The following PRIM2 variants were observed in gnomAD, a reference collection of about 807,000 sequenced individuals.
PRIM2 encodes the protein DNA primase subunit 2.
A neutral mutation model predicts 67.3 loss-of-function variants in PRIM2; 39 were observed. The ratio of observed to expected loss-of-function variants is 0.58; its 90% CI spans 0.45 to 0.76. PRIM2 has a LOEUF of 0.76. Ranked by LOEUF, PRIM2 falls within the 30% of genes least tolerant of loss-of-function variation. The pLI, the probability that PRIM2 is intolerant of heterozygous loss-of-function variation, is 0.00. For missense variants in PRIM2, 398 were observed against 598.7 expected, an observed-to-expected ratio of 0.66 and a Z score of 3.50; for synonymous variants, 143 against 198.7, an observed-to-expected ratio of 0.72 and a Z score of 2.36.
chr6:57,397,884 G>C (rs1770571541), intron 7 of PRIM2, among the ~76,000 whole-genome samples: 1 of 144,192 alleles, frequency 6.9e-6, no homozygotes, highest in Non-Finnish European at 1.5e-5. Context: ...TTGCTAATTT[G>C]AGATCTTTCT....
intron 12 of PRIM2, among the ~76,000 whole-genome samples, chr6:57,621,788 T>C (rs1314366445): frequency 6.6e-6 from 1 of 152,214 alleles, no homozygotes; most frequent in Admixed American, 6.5e-5. Flanking sequence ...TTCATTCTTT[T>C]TGAATGGCTC....
At chr6:57,599,836 A>AT (rs1776428594) in intron 10 of PRIM2, among the ~76,000 whole-genome samples, 1 of 152,042 alleles carries the variant, frequency 6.6e-6, no homozygotes, top group South Asian at 2.1e-4. Context: ...TTAATTTTTA[A>AT]TTTTTTTTAG....
At chr6:57,509,600 G>T (rs1287862263) in intron 8 of PRIM2, among the ~76,000 whole-genome samples, 9 of 152,100 alleles carry the variant, frequency 5.9e-5, no homozygotes, top group Middle Eastern at 3.4e-3. Flanking sequence ...GGTCCTTCTG[G>T]AAGAGGCCTG....
intron 8 of PRIM2, among the ~76,000 whole-genome samples, chr6:57,513,772 G>C (rs1420883171): frequency 2.6e-5 from 4 of 152,210 alleles, no homozygotes; most frequent in Admixed American, 6.5e-5. Context: ...TGCTCAGGAG[G>C]CTGAGGCAGG....
At chr6:57,298,157 C>T in the PRIM2 span, among the ~76,000 whole-genome samples, 1,171 of 152,154 alleles carry the variant, frequency 7.7e-3, 21 homozygotes, top group African/African-American at 0.027. Flanking sequence ...GTCAGGAGTT[C>T]GAGACCAGCA....
intron 10 of PRIM2, among the ~76,000 whole-genome samples, chr6:57,589,831 G>GA (rs1355759639): frequency 6.5e-4 from 99 of 152,270 alleles, no homozygotes; most frequent in African/African-American, 2.3e-3. Context: ...TCCCATGGGA[G>GA]AAGCAGGATT....
chr6:57,488,060 A>T (rs1288645281), intron 7 of PRIM2, among the ~76,000 whole-genome samples: 3 of 152,220 alleles, frequency 2.0e-5, no homozygotes, highest in Non-Finnish European at 4.4e-5. Flanking sequence ...TAAAGGTCAT[A>T]TAGCTAGTAA....
chr6:57,236,601 T>G, the PRIM2 span, among the ~76,000 whole-genome samples: 2 of 152,146 alleles, frequency 1.3e-5, no homozygotes, highest in Admixed American at 6.5e-5. Context: ...GTGTGTGATG[T>G]TCCCCTTCCT....
chr6:57,491,800 C>G (rs1773898190), intron 7 of PRIM2, among the ~76,000 whole-genome samples: 1 of 152,042 alleles, frequency 6.6e-6, no homozygotes, highest in African/African-American at 2.4e-5. Flanking sequence ...AGAGAGGGGT[C>G]CTGAATGCAG....
intron 10 of PRIM2, among the ~76,000 whole-genome samples, chr6:57,582,111 G>A (rs1158107595): frequency 3.3e-5 from 5 of 151,986 alleles, no homozygotes; most frequent in African/African-American, 1.2e-4. Context: ...AGGTGGGAGC[G>A]ACCATGCCTG....
At chr6:57,625,836 C>T (rs1285900262) in intron 12 of PRIM2, among the ~76,000 whole-genome samples, 2 of 152,158 alleles carry the variant, frequency 1.3e-5, no homozygotes, top group Non-Finnish European at 2.9e-5. Context: ...CCCTGATCTG[C>T]CAGTCAGTGA....
intron 5 of PRIM2, 129 bp from the exon 6 acceptor site, chr6:57,379,772 T>C (rs1321913035): frequency 1.3e-6 from 1 of 748,708 alleles, no homozygotes; most frequent in African/African-American, 1.8e-5. Flanking sequence ...ATGTTAGAAA[T>C]GATTTGAGAT....
At chr6:57,238,902 C>A in the PRIM2 span, among the ~76,000 whole-genome samples, 1 of 152,206 alleles carries the variant, frequency 6.6e-6, no homozygotes. Context: ...TTGTCAAGCT[C>A]CTTAGTATGA....
chr6:57,292,553 A>G, the PRIM2 span, among the ~76,000 whole-genome samples: 2 of 152,218 alleles, frequency 1.3e-5, no homozygotes, highest in African/African-American at 4.8e-5. Flanking sequence ...ATCCCAAGCC[A>G]AAAGAACAAA....
At chr6:57,587,060 A>G (rs1776202083) in intron 10 of PRIM2, 1 of 152,250 alleles carries the variant, frequency 6.6e-6, no homozygotes, top group South Asian at 2.1e-4. Flanking sequence ...CAGCTGAAAT[A>G]CCATGACCCA....
intron 7 of PRIM2, among the ~76,000 whole-genome samples, chr6:57,494,653 A>G (rs1773967374): frequency 6.6e-6 from 1 of 152,306 alleles, no homozygotes; most frequent in African/African-American, 2.4e-5. Context: ...TCAGTGATCT[A>G]GGTGGCTACT....
intron 7 of PRIM2, among the ~76,000 whole-genome samples, chr6:57,385,367 A>C (rs1188519913): frequency 1.3e-5 from 2 of 152,174 alleles, no homozygotes; most frequent in Admixed American, 6.5e-5. Context: ...TTGAAATATC[A>C]CAGACTTACA....
intron 7 of PRIM2, among the ~76,000 whole-genome samples, chr6:57,383,927 G>T (rs984543734): frequency 4.6e-5 from 7 of 152,288 alleles, no homozygotes; most frequent in Non-Finnish European, 1.0e-4. Context: ...CAGTGTCTGC[G>T]TTAGTTAGTA....
At chr6:57,230,813 T>A in the PRIM2 span, among the ~76,000 whole-genome samples, 2 of 152,194 alleles carry the variant, frequency 1.3e-5, no homozygotes, top group East Asian at 3.8e-4. Flanking sequence ...ACATCCTTTG[T>A]GCCCAGTTTG....
Sources: allele counts gnomAD v4.1 joint callset (sites outside exome capture counted in the v4.1 genomes callset), GRCh38; gene constraint gnomAD v4.1.1; transcripts MANE v1.5; gene names NCBI Gene and HGNC (gene_info 2026-07-23, HGNC 2026-07-21).